Variants in CEP89 observed in about 807,000 individuals in gnomAD.
CEP89 encodes centrosomal protein of 89 kDa.
Under a neutral mutation model 97.6 loss-of-function variants are expected in CEP89, and 95 were observed. That is an observed-to-expected ratio of 0.97 (90% confidence interval 0.82 to 1.15). CEP89 has a LOEUF of 1.15. Among genes scored for constraint, CEP89 ranks in the 50% most tolerant of loss-of-function variants. The pLI, the probability that CEP89 is intolerant of heterozygous loss-of-function variation, is 0.00. For missense variants in CEP89, 869 were observed against 947.7 expected, an observed-to-expected ratio of 0.92 and a Z score of 1.09; for synonymous variants, 354 against 349.1, an observed-to-expected ratio of 1.01 and a Z score of -0.16.
chr19:32,941,068 G>A (rs1970678111), intron 5 of CEP89, among the ~76,000 whole-genome samples: 1 of 152,032 alleles, frequency 6.6e-6, no homozygotes, highest in African/African-American at 2.4e-5. Flanking sequence ...GCCCTGAGTT[G>A]CTTTTAACTT....
At chr19:32,913,205 T>C (rs963190234) in intron 14 of CEP89, among the ~76,000 whole-genome samples, 1 of 149,662 alleles carries the variant, frequency 6.7e-6, no homozygotes, top group African/African-American at 2.4e-5. Flanking sequence ...AATTATCATA[T>C]ATACCATATG....
intron 1 of CEP89, chr19:32,971,243 G>A (rs1057375813): frequency 2.8e-6 from 1 of 358,652 alleles, no homozygotes; most frequent in African/African-American, 2.1e-5. Flanking sequence ...TGTACATGGT[G>A]GGTGGAGGAG....
At chr19:32,894,657 G>A (rs1969602399) in intron 16 of CEP89, among the ~76,000 whole-genome samples, 1 of 152,294 alleles carries the variant, frequency 6.6e-6, no homozygotes, top group Admixed American at 6.5e-5. Flanking sequence ...TGTGATACAT[G>A]TTAGAGCATG....
chr19:32,881,986 G>T lies in CEP89; in HGVS notation c.1993C>A (p.Leu665Met), dbSNP rs148100883. The change falls in exon 18 of 19, where the codon CTG becomes ATG. Residue 665 changes from leucine to methionine, a missense_variant. Physicochemically the swap from Leu to Met is conservative, Grantham distance 15. Coordinates refer to ENST00000305768, the MANE Select transcript of CEP89 (RefSeq NM_032816.5). ...AGCAGACGGTGACTGATGTCCCCCA[G>T]CTTCAGTGCTGCCTGCTTCTTGTAG... ...KGYKKQAALK[L>M]GDISHRLLEQ... 4 of 1,581,004 alleles carry T rather than the reference G, an allele frequency of 2.5e-6. No homozygotes were observed. In the African/African-American group the frequency reaches 5.4e-5, roughly 21 times the overall value.
intron 3 of CEP89, among the ~76,000 whole-genome samples, chr19:32,956,884 G>A (rs923736946): frequency 1.3e-5 from 2 of 152,074 alleles, no homozygotes. Flanking sequence ...ACTGGATATT[G>A]GATTTCACAG....
chr19:32,937,678 G>A lies in CEP89; in HGVS notation c.625-5C>T. On this transcript the variant is annotated splice_region_variant and splice_polypyrimidine_tract_variant and intron_variant, in intron 6 of 18. Coordinates refer to ENST00000305768, the MANE Select transcript of CEP89 (RefSeq NM_032816.5). ...ACATAATGGAGGTTTTTCATCCTAG[G>A]AAAGAAAGAACATAAGAGGAATAAG... The A allele has an allele frequency of 6.2e-7, 1 of 1,601,808 alleles. No homozygotes were observed. The highest frequency in any genetic ancestry group is 8.5e-7 in the Non-Finnish European group (1 of 1,171,408).
intron 12 of CEP89, among the ~76,000 whole-genome samples, chr19:32,921,861 A>G (rs1970256749): frequency 6.6e-6 from 1 of 152,180 alleles, no homozygotes; most frequent in Non-Finnish European, 1.5e-5. Context: ...AATCAGGGAG[A>G]GCCAATGGTA....
At chr19:32,931,316 G>A in intron 9 of CEP89, 113 bp downstream of exon 9, 1 of 977,744 alleles carries the variant, frequency 1.0e-6, no homozygotes, top group Non-Finnish European at 1.5e-6. Context: ...GCCTTGGACA[G>A]AGCTTTTCTT....
At chr19:32,892,202 CATATATATATATATATAT>C (rs71336973) in intron 16 of CEP89, among the ~76,000 whole-genome samples, 21,084 of 115,054 alleles carry the variant, frequency 0.18, 2,065 homozygotes, top group Non-Finnish European at 0.23. Flanking sequence ...TATATTTAGA[CATATATATATATATATAT>C]ATATATATAT....
chr19:32,937,436 T>A, intron 7 of CEP89, 195 bp downstream of exon 7: 51 of 483,650 alleles, frequency 1.1e-4, no homozygotes, highest in East Asian at 2.4e-4. Context: ...ACCCCCACCC[T>A]CCCAGGACCC....
chr19:32,943,595 A>T (rs768699325), intron 5 of CEP89, among the ~76,000 whole-genome samples: 3 of 152,004 alleles, frequency 2.0e-5, no homozygotes, highest in Non-Finnish European at 4.4e-5. Context: ...ACTGTATTCC[A>T]GCCTGGGTGG....
chr19:32,963,766 G>A (rs550625816), intron 2 of CEP89: 9 of 152,324 alleles, frequency 5.9e-5, no homozygotes, highest in South Asian at 4.1e-4. Context: ...TCCAGAAAGC[G>A]TAATGAAGAT....
chr19:32,929,848 C>G (rs961450934), intron 9 of CEP89, among the ~76,000 whole-genome samples: 3 of 152,080 alleles, frequency 2.0e-5, no homozygotes, highest in African/African-American at 7.2e-5. Flanking sequence ...TGAAAGAAGT[C>G]AGTCACACAA....
chr19:32,923,857 G>T (rs1024488195), intron 11 of CEP89, among the ~76,000 whole-genome samples: 6 of 152,246 alleles, frequency 3.9e-5, no homozygotes, highest in Non-Finnish European at 7.4e-5. Flanking sequence ...AGGCAGAGAT[G>T]CCCATCAACG....
intron 12 of CEP89, among the ~76,000 whole-genome samples, chr19:32,921,236 AG>A (rs11288149): frequency 9.4e-6 from 1 of 106,248 alleles, no homozygotes. Flanking sequence ...AAAAAAAGAA[AG>A]AAAGAAAGAA....
At chr19:32,900,860 G>T (rs963440645) in intron 15 of CEP89, among the ~76,000 whole-genome samples, 1 of 149,902 alleles carries the variant, frequency 6.7e-6, no homozygotes, top group Non-Finnish European at 1.5e-5. Flanking sequence ...AAGATTAAAA[G>T]AAATGAAATG....
chr19:32,917,375 G>C (rs1291842063), intron 13 of CEP89, among the ~76,000 whole-genome samples: 2 of 152,154 alleles, frequency 1.3e-5, no homozygotes, highest in East Asian at 3.9e-4. Context: ...ACACGACCTG[G>C]TTCTCAGAAA....
At chr19:32,914,520 C>A (rs1970078744) in intron 14 of CEP89, among the ~76,000 whole-genome samples, 1 of 151,956 alleles carries the variant, frequency 6.6e-6, no homozygotes, top group Non-Finnish European at 1.5e-5. Flanking sequence ...GACCTGCCTG[C>A]CTTGGCCTCT....
intron 8 of CEP89, among the ~76,000 whole-genome samples, chr19:32,932,959 A>G (rs1970506235): frequency 6.6e-6 from 1 of 151,728 alleles, no homozygotes; most frequent in South Asian, 2.1e-4. Context: ...TCTAAAAAAT[A>G]AATAAATAAA....
Sources: gnomAD v4.1 joint callset for allele counts (sites outside exome capture counted in the v4.1 genomes callset) on GRCh38, gnomAD v4.1.1 for gene constraint, MANE v1.5 for transcripts, NCBI Gene and HGNC (gene_info 2026-07-23, HGNC 2026-07-21) for gene names.